ZNF787: variants seen among roughly 807,000 people sequenced by gnomAD.
The protein encoded by ZNF787 is TTF-I-interacting peptide 20.
Under a neutral mutation model 16.9 loss-of-function variants are expected in ZNF787, and 7 were observed. That is an observed-to-expected ratio of 0.42 (90% CI 0.24 to 0.78). The LOEUF (loss-of-function observed/expected upper bound fraction) is 0.78, where lower values mean the gene tolerates loss of function less well. Ranked by LOEUF, ZNF787 falls within the 30% of genes least tolerant of loss-of-function variation. The pLI is 0.30. For missense variants in ZNF787, 551 were observed against 589.3 expected (o/e 0.94, Z 0.67); for synonymous variants, 345 against 270.9 (o/e 1.27, Z -2.69).
intron 1 of ZNF787, among the ~76,000 whole-genome samples, chr19:56,110,138 G>C (rs2029936725): frequency 6.6e-6 from 1 of 152,214 alleles, no homozygotes; most frequent in Non-Finnish European, 1.5e-5. Context: ...AAGGCAGGCG[G>C]ATCACGAGGT....
At chr19:56,100,099 C>T (rs1986035550) in intron 2 of ZNF787, among the ~76,000 whole-genome samples, 1 of 152,102 alleles carries the variant, frequency 6.6e-6, no homozygotes, top group South Asian at 2.1e-4. Context: ...GGTGCCGGGA[C>T]ACACGGAAGT....
rs1006116758 is a variant in ZNF787 at position 56,087,774 on chromosome 19, G to A, written c.*249C>T. On this transcript the variant is annotated 3_prime_UTR_variant, in exon 3 of 3. Coordinates refer to ENST00000610935, the MANE Select transcript of ZNF787 (RefSeq NM_001002836.4). ...GTTCTCTCCATTGTCTCTCCGGCTC[G>A]CAGGCCGATAACTTAGGAAGGGCGG... is the stretch of plus-strand genomic sequence containing the variant. The A allele has an allele frequency of 1.0e-5, 5 of 491,110 alleles. No homozygotes were observed. Among genetic ancestry groups the A allele is most frequent in the Admixed American group, 4.9e-5 (1 of 20,244 alleles). The allele number at this position is 491,110 out of a possible 1,614,324, so 30.4% of individuals were successfully genotyped here.
intron 2 of ZNF787, among the ~76,000 whole-genome samples, chr19:56,091,896 TGCCGCAGCCGCA>T (rs796616298): frequency 3.5e-5 from 5 of 142,844 alleles, no homozygotes; most frequent in East Asian, 2.0e-4. Flanking sequence ...CCGCTCCACT[TGCCGCAGCCGCA>T]GCCGCAGCCG....
intron 1 of ZNF787, among the ~76,000 whole-genome samples, chr19:56,107,658 G>A (rs1385951391): frequency 6.6e-6 from 1 of 151,982 alleles, no homozygotes; most frequent in African/African-American, 2.4e-5. Flanking sequence ...ACACGGGGAG[G>A]GGGGCCTAGG....
chr19:56,102,052 T>G (rs572861969), intron 2 of ZNF787: 1 of 152,220 alleles, frequency 6.6e-6, no homozygotes, highest in Non-Finnish European at 1.5e-5. Flanking sequence ...CACAGGGAGC[T>G]TCTGTTCATG....
At chr19:56,099,625 C>T (rs967142555) in intron 2 of ZNF787, among the ~76,000 whole-genome samples, 4 of 147,994 alleles carry the variant, frequency 2.7e-5, no homozygotes, top group South Asian at 2.1e-4. Context: ...GCAGGAGAAT[C>T]GCTTGAACCT....
chr19:56,101,019 C>T (rs1301426661), intron 2 of ZNF787, among the ~76,000 whole-genome samples: 2 of 145,132 alleles, frequency 1.4e-5, no homozygotes, highest in Admixed American at 1.4e-4. Context: ...CCACTCCACC[C>T]CCACCTACGA....
At chr19:56,109,963 A>G (rs991187408) in intron 1 of ZNF787, among the ~76,000 whole-genome samples, 22 of 152,262 alleles carry the variant, frequency 1.4e-4, no homozygotes, top group African/African-American at 5.1e-4. Flanking sequence ...CAGAGACCCA[A>G]GGAGGGAAGC....
rs1460991685 is a variant in ZNF787 at position 56,088,956 on chromosome 19, G to C, written c.216C>G (p.Gly72=). 11 of 1,554,054 alleles carry C rather than the reference G, an allele frequency of 7.1e-6. No homozygotes were observed. The highest frequency in any genetic ancestry group is 8.7e-6 in the Non-Finnish European group (10 of 1,150,582). Residue 72 remains glycine, a synonymous_variant, in exon 3 of 3, where the codon GGC becomes GGG. Transcript: ENST00000610935. The surrounding 1 kb of genome is among the most constrained non-coding windows in gnomAD (Gnocchi z 8.6). ...PPAPYICNEC[G]KSFSHWSKLT... is the part of the protein sequence containing the mutation. ...GCTTGGACCAGTGGCTAAAGCTCTT[G>C]CCACACTCGTTGCAGATGTAGGGGG...
At chr19:56,111,529 TCCTG>T (rs2029979700) in intron 1 of ZNF787, among the ~76,000 whole-genome samples, 1 of 152,058 alleles carries the variant, frequency 6.6e-6, no homozygotes, top group Admixed American at 6.6e-5. Flanking sequence ...GATGCTTTTT[TCCTG>T]CCTTTTAGCA....
At chr19:56,107,513 CAATGGGGTCACT>C (rs2029874280) in intron 1 of ZNF787, among the ~76,000 whole-genome samples, 1 of 151,460 alleles carries the variant, frequency 6.6e-6, no homozygotes, top group Non-Finnish European at 1.5e-5. Flanking sequence ...CACTGTGAGA[CAATGGGGTCACT>C]GGGAGAAACG....
rs2030147820 is a variant in ZNF787 at position 56,116,691 on chromosome 19, G to A, written c.-11+4481C>T. 2.0e-5 allele frequency among the ~76,000 whole-genome samples: 3 copies of A among 151,920 alleles called. No homozygotes were observed. In the South Asian group the frequency reaches 6.2e-4, roughly 32 times the overall value. The stretch of plus-strand genomic sequence containing the variant: ...GTGACCCCTCTGCTGGGCCAACAGG[G>A]CAGGCTGGCCATTTTCCAGATGGTG... On this transcript the variant is annotated intron_variant, in intron 1 of 2. Transcript: ENST00000610935.
intron 2 of ZNF787, among the ~76,000 whole-genome samples, chr19:56,100,408 T>C (rs914197717): frequency 6.6e-6 from 1 of 152,134 alleles, no homozygotes; most frequent in African/African-American, 2.4e-5. Flanking sequence ...GCCTCCTCCC[T>C]GTCTGAGGAC....
At chr19:56,092,850 C>T (rs371662931) in intron 2 of ZNF787, among the ~76,000 whole-genome samples, 7 of 150,472 alleles carry the variant, frequency 4.7e-5, no homozygotes, top group Non-Finnish European at 8.9e-5. Flanking sequence ...CAAGGGGTGG[C>T]GGAAGTGGGA....
At chr19:56,102,790 G>A (rs1437433270) in intron 2 of ZNF787, 2 of 641,300 alleles carry the variant, frequency 3.1e-6, no homozygotes, top group African/African-American at 3.6e-5. Context: ...CATAGCAGAG[G>A]GTCCAGGATG....
chr19:56,090,064 G>A (rs1985513487), intron 2 of ZNF787, among the ~76,000 whole-genome samples: 1 of 152,132 alleles, frequency 6.6e-6, no homozygotes, highest in Non-Finnish European at 1.5e-5. Flanking sequence ...TTTTTTCAAA[G>A]CCATGAATCA....
chr19:56,097,795 C>T (rs1232363642), intron 2 of ZNF787, among the ~76,000 whole-genome samples: 1 of 152,152 alleles, frequency 6.6e-6, no homozygotes, highest in Non-Finnish European at 1.5e-5. Context: ...GCCACCTGGC[C>T]CAGGGGACAC....
At chr19:56,104,840 G>C (rs915304824) in intron 1 of ZNF787, among the ~76,000 whole-genome samples, 1 of 152,244 alleles carries the variant, frequency 6.6e-6, no homozygotes, top group African/African-American at 2.4e-5. Flanking sequence ...TTTAAAACAG[G>C]CTCCCTGGCT....
At position 56,118,740 on chromosome 19, in the gene ZNF787, G is replaced by A. The variant is rs553459857; in HGVS notation, c.-11+2432C>T. Among the ~76,000 whole-genome samples the A allele has an allele frequency of 4.6e-5, 7 of 152,306 alleles. No homozygotes were observed. In the South Asian group the frequency reaches 1.4e-3, roughly 32 times the overall value. ...AGTCCTCACTAGGCTGGAGGCCTCA[G>A]GATGCACCAGAGGACACACGAACGA... On this transcript the variant is annotated intron_variant, in intron 1 of 2. Transcript: ENST00000610935.
Sources: gnomAD v4.1 joint callset for allele counts (sites outside exome capture counted in the v4.1 genomes callset) on GRCh38, gnomAD v4.1.1 for gene constraint, Gnocchi (gnomAD v3.1) non-coding constraint, MANE v1.5 for transcripts, NCBI Gene and HGNC (gene_info 2026-07-23, HGNC 2026-07-21) for gene names.